Variants in INO80D observed in about 807,000 individuals in gnomAD.
INO80D encodes INO80 complex subunit D.
INO80D carries 21 observed loss-of-function variants against 87.6 expected under a neutral mutation model. The ratio of observed to expected loss-of-function variants is 0.24; its 90% CI spans 0.17 to 0.35. The LOEUF is 0.35. Ranked by LOEUF, INO80D falls within the 10% of genes least tolerant of loss-of-function variation. The probability of loss-of-function intolerance (pLI) is 1.00; values close to 1 mark genes in which losing one functional copy is unlikely to be tolerated. For synonymous variants in INO80D, 440 were observed against 491.0 expected (o/e 0.90, Z 1.37); for missense variants, 982 against 1,280.7 (o/e 0.77, Z 3.56).
chr2:206,057,055 C>T, intron 3 of INO80D, 112 bp from the exon 4 acceptor site: 1 of 1,055,160 alleles, frequency 9.5e-7, no homozygotes, highest in Non-Finnish European at 1.3e-6. Context: ...TATAGTGACT[C>T]TTGGCAGCCA....
intron 5 of INO80D, among the ~76,000 whole-genome samples, chr2:206,036,429 G>A (rs796552759): frequency 1.4e-4 from 22 of 152,308 alleles, no homozygotes; most frequent in African/African-American, 5.3e-4. Context: ...AATGGCATTT[G>A]CAGTGACCTG....
chr2:206,032,642 A>G (rs1243651564), intron 5 of INO80D, among the ~76,000 whole-genome samples: 1 of 151,574 alleles, frequency 6.6e-6, no homozygotes, highest in Non-Finnish European at 1.5e-5. Context: ...CCTACAAGCT[A>G]GAAGGGATTG....
At chr2:206,035,599 A>G (rs1248957523) in intron 5 of INO80D, among the ~76,000 whole-genome samples, 2 of 152,196 alleles carry the variant, frequency 1.3e-5, no homozygotes, top group Non-Finnish European at 2.9e-5. Flanking sequence ...TCAATTAAGG[A>G]CTTAAATCTA....
At chr2:206,063,430 G>A (rs576421085) in intron 1 of INO80D, 186 bp from the exon 2 acceptor site, 2 of 219,584 alleles carry the variant, frequency 9.1e-6, no homozygotes, top group African/African-American at 2.3e-5. Flanking sequence ...GCTGGGCGCC[G>A]TGGCTCACGC....
chr2:205,994,874 C>CAAAAAAAAA lies in INO80D; in HGVS notation c.*9485_*9493dup, dbSNP rs11306784. On this transcript the variant is annotated 3_prime_UTR_variant, in exon 11 of 11. Coordinates refer to ENST00000403263, the MANE Select transcript of INO80D (RefSeq NM_017759.5). ...TCAAGCACATGCAACTTGGAACTCG[C>CAAAAAAAAA]AAAAAAAAAAAAAAAAGAAAGAAAG... is the stretch of plus-strand genomic sequence containing the variant. The CAAAAAAAAA allele has an allele frequency of 1.0e-5, 1 of 98,420 alleles. No homozygotes were observed. Among genetic ancestry groups the CAAAAAAAAA allele is most frequent in the Non-Finnish European group, 2.0e-5 (1 of 49,548 alleles). 6.1% of individuals were successfully genotyped at this position (98,420 alleles called of 1,614,324 possible). A position where few individuals can be genotyped will look rare whatever the true frequency, so the allele number is the denominator to read the frequency against.
intron 8 of INO80D, among the ~76,000 whole-genome samples, chr2:206,012,290 G>T (rs914924318): frequency 1.3e-5 from 2 of 152,190 alleles, no homozygotes; most frequent in Admixed American, 6.5e-5. Context: ...CTGGGGAGCA[G>T]TTCTGTATCT....
In INO80D at chr2:206,062,671, T is replaced by C. The variant is rs116194825; in HGVS notation, c.218+128A>G. 832 of 761,194 alleles carry C rather than the reference T, an allele frequency of 1.1e-3. 2 individuals carry two copies. Among genetic ancestry groups the C allele is most frequent in the Non-Finnish European group, 1.5e-3 (696 of 469,186 alleles). 47.2% of individuals were successfully genotyped at this position (761,194 alleles called of 1,614,324 possible). Reference sequence around the variant, plus strand: ...TTAGATTACCCCCAGAATTCAACATTTATATAGGTGGAGGAAGGGAGGGAG... The same window carrying C: ...TTAGATTACCCCCAGAATTCAACATCTATATAGGTGGAGGAAGGGAGGGAG... On this transcript the variant is annotated intron_variant, in intron 3 of 10. Transcript: ENST00000403263. The surrounding 1 kb of genome is among the most constrained non-coding windows in gnomAD (Gnocchi z 4.6).
rs201206408 is a variant in INO80D at position 206,056,369 on chromosome 2, G to A, written c.793C>T (p.Pro265Ser). The A allele has an allele frequency of 4.3e-4, 691 of 1,613,928 alleles. 2 individuals are homozygous for A. The highest frequency in any genetic ancestry group is 5.7e-4 in the Non-Finnish European group (675 of 1,179,880). ...ARQLSHKRPL[P>S]LLPSSRAPTV... ...GGAGCCCTACTGGATGGCAGGAGGGGCAGAGGCCTCTTGTGAGACAACTGC... is the reference window on the plus strand; with the variant it reads ...GGAGCCCTACTGGATGGCAGGAGGGACAGAGGCCTCTTGTGAGACAACTGC... Residue 265 changes from proline (P) to serine (S), a missense_variant, in exon 4 of 11, where the codon CCC becomes TCC. By Grantham distance (74) the Pro-to-Ser change is moderately conservative (BLOSUM62 -1). Transcript: ENST00000403263.
chr2:206,067,182 G>A (rs1689839667), intron 1 of INO80D, among the ~76,000 whole-genome samples: 1 of 151,910 alleles, frequency 6.6e-6, no homozygotes, highest in South Asian at 2.1e-4. Flanking sequence ...AGGAGGCGGA[G>A]GTTGCAGTGA....
At chr2:206,055,626 GT>G (rs1332032057) in intron 4 of INO80D, among the ~76,000 whole-genome samples, 2 of 152,098 alleles carry the variant, frequency 1.3e-5, no homozygotes, top group Admixed American at 6.5e-5. Context: ...TAAAAGCTGC[GT>G]GTGGAATTCT....
chr2:206,012,885 A>AAAC (rs386392396), intron 8 of INO80D, among the ~76,000 whole-genome samples: 4 of 151,238 alleles, frequency 2.6e-5, no homozygotes, highest in Non-Finnish European at 5.9e-5. Flanking sequence ...AAAAAAAAAA[A>AAAC]AACCAGAGCC....
chr2:206,056,753 T>C lies in INO80D; in HGVS notation c.409A>G (p.Arg137Gly), dbSNP rs781697742. 20 of 1,612,892 alleles carry C rather than the reference T, an allele frequency of 1.2e-5. No individual in the cohort carries two copies. Among genetic ancestry groups the C allele is most frequent in the Non-Finnish European group, 1.6e-5 (19 of 1,179,416 alleles). ...DGMSLSPPGA[R>G]VPLHYLETEL... Reference sequence around the variant, plus strand: ...GTTTCCAGGTAGTGGAGAGGGACCCTTGCCCCAGGTGGAGAGAGGGACATT... The same window carrying C: ...GTTTCCAGGTAGTGGAGAGGGACCCCTGCCCCAGGTGGAGAGAGGGACATT... The change falls in exon 4 of 11, where the codon AGG becomes GGG. Residue 137 changes from arginine to glycine, a missense_variant. Physicochemically the swap from Arg to Gly is moderately radical, Grantham distance 125. Transcript: ENST00000403263.
chr2:206,005,061 T>G lies in INO80D; in HGVS notation c.2391A>C (p.Pro797=). The part of the protein sequence containing the change: ...LHDGSHASQR[P]HPAQLLSKAD... ...CCTTGCTCAGCAGCTGGGCAGGATG[T>G]GGCCTCTGGGAGGCATGGCTGCCGT... The change falls in exon 11 of 11, where the codon CCA becomes CCC. Residue 797 remains proline (P), a synonymous_variant. Transcript: ENST00000403263. 6.2e-7 allele frequency: 1 copy of G among 1,613,964 alleles called. No homozygotes were observed. The highest frequency in any genetic ancestry group is 8.5e-7 in the Non-Finnish European group (1 of 1,179,876).
rs886248259 is a variant in INO80D at position 206,085,496 on chromosome 2, A to G, written c.-124+405T>C. The G allele has an allele frequency of 6.7e-6, 1 of 149,534 alleles. No homozygotes were observed. Among genetic ancestry groups the G allele is most frequent in the Admixed American group, 6.6e-5 (1 of 15,076 alleles). 9.3% of individuals were successfully genotyped at this position (149,534 alleles called of 1,614,324 possible). A position where few individuals can be genotyped will look rare whatever the true frequency, so the allele number is the denominator to read the frequency against. On this transcript the variant is annotated intron_variant, in intron 1 of 10. Coordinates refer to ENST00000403263, the MANE Select transcript of INO80D (RefSeq NM_017759.5). This position sits in a 1 kb window ranked among gnomAD's most constrained non-coding sequence, Gnocchi z 4.5. ...AGCAGCGCCGCCGTCCCACCCGGAG[A>G]CCCCGGGGGACTCGAGGGGGCGCGC... is the stretch of plus-strand genomic sequence containing the variant.
chr2:206,071,140 G>C (rs955471909), intron 1 of INO80D, among the ~76,000 whole-genome samples: 1 of 150,682 alleles, frequency 6.6e-6, no homozygotes, highest in African/African-American at 2.4e-5. Flanking sequence ...AGTATTTTTA[G>C]TAGAGATGGG....
chr2:206,059,661 C>G (rs563143239), intron 3 of INO80D, among the ~76,000 whole-genome samples: 27 of 152,256 alleles, frequency 1.8e-4, no homozygotes, highest in African/African-American at 6.5e-4. Flanking sequence ...ACGTAGGCCT[C>G]TTAAGAAAAA....
intron 7 of INO80D, among the ~76,000 whole-genome samples, chr2:206,019,148 T>G (rs1368009773): frequency 6.6e-6 from 1 of 152,224 alleles, no homozygotes; most frequent in Non-Finnish European, 1.5e-5. Context: ...TATTTTTACA[T>G]GCTACCTGAT....
rs1687827423 is a variant in INO80D, at chr2:205,997,381, A to G, written c.*6987T>C. 1 of 152,040 alleles carries G rather than the reference A, an allele frequency of 6.6e-6. No individual in the cohort carries two copies. Among genetic ancestry groups the G allele is most frequent in the African/African-American group, 2.4e-5 (1 of 41,420 alleles). 9.4% of individuals were successfully genotyped at this position (152,040 alleles called of 1,614,324 possible). A position where few individuals can be genotyped will look rare whatever the true frequency, so the allele number is the denominator to read the frequency against. On this transcript the variant is annotated 3_prime_UTR_variant, in exon 11 of 11. Transcript: ENST00000403263. ...AAAAATTTTGGAAATAAATGAAATC[A>G]CCCCAGCTTTGAAATATGCACGGTG...
Position 206,056,487 on chromosome 2 carries a change from C to T in INO80D, c.675G>A (p.Pro225=), listed in dbSNP as rs762422536. 8 of 1,613,680 alleles carry T rather than the reference C, an allele frequency of 5.0e-6. No homozygotes were observed. Among genetic ancestry groups the T allele is most frequent in the Admixed American group, 1.7e-5 (1 of 59,946 alleles). Reference sequence around the variant, plus strand: ...GAGGTGACTTGCAGACTGAACCCTGCGGTGGCGCTGGAGGTTTTAAAGAAG... The same window carrying T: ...GAGGTGACTTGCAGACTGAACCCTGTGGTGGCGCTGGAGGTTTTAAAGAAG... ...LSTSLKPPAP[P]QGSVCKSPQP... is the part of the protein sequence containing the mutation. The change falls in exon 4 of 11, where the codon CCG becomes CCA. Residue 225 remains proline, a synonymous_variant. Transcript: ENST00000403263.
Sources: gnomAD v4.1 joint callset for allele counts (sites outside exome capture counted in the v4.1 genomes callset) on GRCh38, gnomAD v4.1.1 for gene constraint, Gnocchi (gnomAD v3.1) non-coding constraint, MANE v1.5 for transcripts, NCBI Gene and HGNC (gene_info 2026-07-23, HGNC 2026-07-21) for gene names.